Variants in GABRB1 observed in about 807,000 individuals in gnomAD.
The protein encoded by GABRB1 is gamma-aminobutyric acid type A receptor subunit beta1.
A neutral mutation model predicts 51.6 loss-of-function variants in GABRB1; 17 were observed. The ratio of observed to expected loss-of-function variants is 0.33; its 90% CI spans 0.23 to 0.49. The LOEUF is 0.49. Among genes scored for constraint, GABRB1 ranks in the 20% least tolerant of loss-of-function variants. The pLI, the probability that GABRB1 is intolerant of heterozygous loss-of-function variation, is 0.99. For synonymous variants in GABRB1, 247 were observed against 218.9 expected (o/e 1.13, Z -1.14); for missense variants, 410 against 600.6 (o/e 0.68, Z 3.32).
chr4:47,225,841 C>T lies in GABRB1; in HGVS notation c.461+64372C>T, dbSNP rs114896383. ...TTTTACCCTTCCACAGAAATTTCTT[C>T]CAGTAAATGCATGCGTAGTGGATGA... On this transcript the variant is annotated intron_variant, in intron 4 of 8. Transcript: ENST00000295454. Among the ~76,000 whole-genome samples the T allele has an allele frequency of 6.4e-3, 976 of 152,212 alleles. 10 individuals are homozygous for T. Among genetic ancestry groups the T allele is most frequent in the African/African-American group, 0.021 (876 of 41,536 alleles).
At chr4:47,348,135 G>A (rs992956909) in intron 5 of GABRB1, among the ~76,000 whole-genome samples, 5 of 152,098 alleles carry the variant, frequency 3.3e-5, no homozygotes, top group South Asian at 2.1e-4. Flanking sequence ...ATCAAAACAC[G>A]GTATTGTAGG....
intron 3 of GABRB1, among the ~76,000 whole-genome samples, chr4:47,046,749 C>T (rs994890807): frequency 6.6e-6 from 1 of 152,018 alleles, no homozygotes; most frequent in African/African-American, 2.4e-5. Flanking sequence ...AAATGCCCAT[C>T]AATGATTGAT....
In GABRB1 at chr4:46,995,935, T is replaced by C. The variant is rs966496825; in HGVS notation, c.-20+2009T>C. Among the ~76,000 whole-genome samples, 4 of 152,182 alleles carry C rather than the reference T, an allele frequency of 2.6e-5. No individual in the cohort carries two copies. In the East Asian group the frequency reaches 7.7e-4, roughly 29 times the overall value. On this transcript the variant is annotated intron_variant, in intron 1 of 3. Transcript: ENST00000513567. ...AGTATTTAAGTTCAGCTGAAGATAA[T>C]ACTAAAGGCATTTATATCTCTTCTC...
intron 3 of GABRB1, among the ~76,000 whole-genome samples, chr4:47,036,077 A>G (rs921720244): frequency 2.0e-5 from 3 of 152,216 alleles, no homozygotes; most frequent in African/African-American, 7.2e-5. Flanking sequence ...GATAGCTATC[A>G]TGGATTCATT....
At chr4:47,019,372 C>G (rs891085851) in intron 1 of GABRB1, among the ~76,000 whole-genome samples, 7 of 152,270 alleles carry the variant, frequency 4.6e-5, no homozygotes, top group African/African-American at 1.7e-4. Context: ...AATTTCCTTC[C>G]TTTTCTACCT....
At chr4:47,367,987 C>CGGGGGTTGAGA in intron 5 of GABRB1, among the ~76,000 whole-genome samples, 1 of 152,252 alleles carries the variant, frequency 6.6e-6, no homozygotes, top group East Asian at 1.9e-4. Flanking sequence ...AAGTATCTAT[C>CGGGGGTTGAGA]GCAACAGTAA....
rs1715775962 is a variant in GABRB1, at chr4:47,121,511, G to C, written c.241-39738G>C. ...GTTAAATTTGGTGTTCCTGAAGGGA[G>C]GATGATTGATGAAGGCTTCCATTTG... On this transcript the variant is annotated intron_variant, in intron 3 of 8. Transcript: ENST00000295454. 2.0e-5 allele frequency among the ~76,000 whole-genome samples: 3 copies of C among 152,132 alleles called. No homozygotes were observed. The South Asian group carries it at 6.2e-4, about 32-fold the overall frequency.
At chr4:47,190,864 T>C (rs945153847) in intron 4 of GABRB1, among the ~76,000 whole-genome samples, 1 of 152,196 alleles carries the variant, frequency 6.6e-6, no homozygotes, top group African/African-American at 2.4e-5. Flanking sequence ...ACTGTGAGCA[T>C]GGAAAACTTA....
At chr4:47,294,001 T>C (rs754760614) in intron 4 of GABRB1, among the ~76,000 whole-genome samples, 9 of 152,216 alleles carry the variant, frequency 5.9e-5, no homozygotes, top group Non-Finnish European at 1.2e-4. Flanking sequence ...TTCATTAACA[T>C]GCCCCAAAGC....
intron 3 of GABRB1, among the ~76,000 whole-genome samples, chr4:47,064,850 T>C (rs1230675032): frequency 6.6e-6 from 1 of 152,080 alleles, no homozygotes; most frequent in African/African-American, 2.4e-5. Flanking sequence ...TAAATATCCA[T>C]CAAATGAACG....
At chr4:47,347,508 T>C (rs545437567) in intron 5 of GABRB1, among the ~76,000 whole-genome samples, 12 of 152,168 alleles carry the variant, frequency 7.9e-5, no homozygotes, top group South Asian at 2.1e-4. Context: ...TATATGCTGT[T>C]GCCAACCCTT....
chr4:47,239,556 T>G (rs1243113812), intron 4 of GABRB1, among the ~76,000 whole-genome samples: 1 of 152,234 alleles, frequency 6.6e-6, no homozygotes, highest in Non-Finnish European at 1.5e-5. Context: ...CTCATTTAAC[T>G]GGCTTGGTCT....
At chr4:47,108,038 T>G (rs549784333) in intron 3 of GABRB1, among the ~76,000 whole-genome samples, 1 of 152,204 alleles carries the variant, frequency 6.6e-6, no homozygotes, top group African/African-American at 2.4e-5. Flanking sequence ...CCATATCTCC[T>G]CTCATTTCCA....
intron 3 of GABRB1, among the ~76,000 whole-genome samples, chr4:47,113,561 A>T (rs1159018359): frequency 1.3e-5 from 2 of 152,192 alleles, no homozygotes; most frequent in Non-Finnish European, 2.9e-5. Context: ...ACCTTCACAA[A>T]AGTGGTGGCT....
At chr4:47,372,827 G>T (rs1578129905) in intron 5 of GABRB1, among the ~76,000 whole-genome samples, 1 of 152,090 alleles carries the variant, frequency 6.6e-6, no homozygotes, top group Non-Finnish European at 1.5e-5. Context: ...GAGGTGTGGG[G>T]CTTCCTCACT....
chr4:47,256,039 A>G (rs1722185185), intron 4 of GABRB1, among the ~76,000 whole-genome samples: 1 of 152,248 alleles, frequency 6.6e-6, no homozygotes, highest in African/African-American at 2.4e-5. Flanking sequence ...TCAGTGCCAC[A>G]CTAATGAATT....
upstream of GABRB1, among the ~76,000 whole-genome samples, chr4:47,028,927 A>C (rs1295020160): frequency 6.6e-6 from 1 of 150,446 alleles, no homozygotes; most frequent in African/African-American, 2.4e-5. Flanking sequence ...TTTTACACTT[A>C]AATATTTTAA....
intron 4 of GABRB1, among the ~76,000 whole-genome samples, chr4:47,191,505 AC>A (rs1385771366): frequency 6.6e-6 from 1 of 152,134 alleles, no homozygotes; most frequent in Non-Finnish European, 1.5e-5. Flanking sequence ...GGATTATGGT[AC>A]AGAGATTACA....
At chr4:47,114,597 TTTC>T (rs1715387009) in intron 3 of GABRB1, among the ~76,000 whole-genome samples, 1 of 152,192 alleles carries the variant, frequency 6.6e-6, no homozygotes, top group South Asian at 2.1e-4. Context: ...GCATGTGACT[TTTC>T]TTCTTTGTTA....
Sources: gnomAD v4.1 joint callset for allele counts (sites outside exome capture counted in the v4.1 genomes callset) on GRCh38, gnomAD v4.1.1 for gene constraint, MANE v1.5 for transcripts, NCBI Gene and HGNC (gene_info 2026-07-23, HGNC 2026-07-21) for gene names.